Variants in STK39 observed in about 807,000 individuals in gnomAD.
The protein encoded by STK39 is serine/threonine kinase 39, also known as STE20/SPS1-related proline-alanine-rich protein kinase.
In STK39, 20 loss-of-function variants were observed where a neutral mutation model predicts 77.8. The observed-to-expected ratio is 0.26, with a 90% CI of 0.18 to 0.37. The LOEUF (loss-of-function observed/expected upper bound fraction) is 0.37, where lower values mean the gene tolerates loss of function less well. STK39 is among the 10% of genes least tolerant of loss of function. The probability of loss-of-function intolerance (pLI) is 1.00; values close to 1 mark genes in which losing one functional copy is unlikely to be tolerated. For missense variants in STK39, 479 were observed against 656.5 expected, an observed-to-expected ratio of 0.73 and a Z score of 2.95; for synonymous variants, 246 against 234.1, an observed-to-expected ratio of 1.05 and a Z score of -0.47.
At chr2:168,209,973 G>A (rs1689843618) in intron 1 of STK39, among the ~76,000 whole-genome samples, 1 of 148,216 alleles carries the variant, frequency 6.7e-6, no homozygotes, top group African/African-American at 2.5e-5. Flanking sequence ...TTCCAGCTTG[G>A]GTGACAAAGT....
Position 168,043,214 on chromosome 2 carries a change from TC to T in STK39, c.1376+20285del, listed in dbSNP as rs1685153949. ...TCCTTTATCATTTAACTTGGTTTAT[TC>T]ATTTTATACCCCCAGAACAGTGTCT... On this transcript the variant is annotated intron_variant, in intron 14 of 17. Transcript: ENST00000355999. Among the ~76,000 whole-genome samples the T allele has an allele frequency of 3.3e-5, 5 of 152,312 alleles. No homozygotes were observed. The South Asian group carries it at 1.0e-3, about 32-fold the overall frequency.
chr2:168,006,349 A>C (rs1349715378), intron 16 of STK39, among the ~76,000 whole-genome samples: 1 of 152,180 alleles, frequency 6.6e-6, no homozygotes, highest in East Asian at 1.9e-4. Flanking sequence ...AACTTACTAA[A>C]CTAATTCCTC....
intron 5 of STK39, among the ~76,000 whole-genome samples, chr2:168,148,527 CAAG>C (rs920309961): frequency 1.7e-4 from 26 of 152,320 alleles, no homozygotes; most frequent in Non-Finnish European, 3.2e-4. Flanking sequence ...TAGCTCAGAG[CAAG>C]AAGAAGAGCA....
intron 14 of STK39, among the ~76,000 whole-genome samples, chr2:168,062,836 C>T (rs139108324): frequency 1.3e-5 from 2 of 152,184 alleles, no homozygotes; most frequent in Non-Finnish European, 2.9e-5. Context: ...GTAAACTAAG[C>T]TGTTTATAAT....
intron 13 of STK39, among the ~76,000 whole-genome samples, chr2:168,064,274 A>C (rs1338391539): frequency 6.6e-6 from 1 of 152,138 alleles, no homozygotes; most frequent in Non-Finnish European, 1.5e-5. Context: ...AGTTATCCTA[A>C]TCCCTGTTCC....
chr2:167,970,428 C>T (rs986767819), intron 16 of STK39, among the ~76,000 whole-genome samples: 7 of 152,086 alleles, frequency 4.6e-5, no homozygotes, highest in Admixed American at 2.6e-4. Context: ...TCTAGTACAC[C>T]GTATTTGGTA....
chr2:168,151,617 T>C (rs1335553123), intron 5 of STK39, among the ~76,000 whole-genome samples: 1 of 151,780 alleles, frequency 6.6e-6, no homozygotes, highest in African/African-American at 2.4e-5. Context: ...CACGTGCCTA[T>C]AGTCCCAGCT....
Position 168,178,955 on chromosome 2 carries a change from G to A in STK39, c.321+3023C>T, listed in dbSNP as rs147890457. ...GGGACAAAGGGAGTGGGGACAGGAC[G>A]GGGATAGGTAGTCAGTGGGGGCTGA... is the stretch of plus-strand genomic sequence containing the variant. On this transcript the variant is annotated intron_variant, in intron 2 of 17. Coordinates refer to ENST00000355999, the MANE Select transcript of STK39 (RefSeq NM_013233.3). Among the ~76,000 whole-genome samples, 70 of 152,296 alleles carry A rather than the reference G, an allele frequency of 4.6e-4. 1 individual carries two copies. The East Asian group carries it at 0.01, about 22-fold the overall frequency.
intron 10 of STK39, among the ~76,000 whole-genome samples, chr2:168,117,533 C>T (rs889482349): frequency 6.6e-6 from 1 of 152,116 alleles, no homozygotes; most frequent in African/African-American, 2.4e-5. Context: ...AGTGCAACAA[C>T]ATATTTAAGC....
intron 14 of STK39, among the ~76,000 whole-genome samples, chr2:168,060,013 A>T (rs1685621776): frequency 6.6e-6 from 1 of 152,184 alleles, no homozygotes; most frequent in Non-Finnish European, 1.5e-5. Context: ...TTATAGAATG[A>T]ATGAATGTAT....
At chr2:168,011,169 G>A (rs1173804461) in intron 16 of STK39, among the ~76,000 whole-genome samples, 2 of 152,104 alleles carry the variant, frequency 1.3e-5, no homozygotes, top group African/African-American at 4.8e-5. Context: ...ACGGTGGCAT[G>A]CGTCTGTAGT....
chr2:168,111,530 T>C, intron 10 of STK39, among the ~76,000 whole-genome samples: 1 of 152,224 alleles, frequency 6.6e-6, no homozygotes, highest in East Asian at 1.9e-4. Flanking sequence ...AGTCTAGTTA[T>C]TATTACCTGA....
At chr2:168,115,902 C>T (rs377642912) in intron 10 of STK39, among the ~76,000 whole-genome samples, 3 of 152,096 alleles carry the variant, frequency 2.0e-5, no homozygotes, top group Admixed American at 6.6e-5. Context: ...CTAGACCATG[C>T]GAAGCACTGG....
chr2:168,136,367 CAAAAAA>C (rs775507627), intron 8 of STK39, among the ~76,000 whole-genome samples: 48 of 64,838 alleles, frequency 7.4e-4, no homozygotes, highest in African/African-American at 1.8e-3. Context: ...GACTCCGTCT[CAAAAAA>C]AAAAAAAAAA....
At chr2:168,202,424 A>C (rs552713804) in intron 1 of STK39, among the ~76,000 whole-genome samples, 9 of 152,284 alleles carry the variant, frequency 5.9e-5, no homozygotes, top group African/African-American at 2.2e-4. Flanking sequence ...CAACCCTATG[A>C]AGTATTTTAA....
At chr2:168,155,851 A>G (rs543531833) in intron 5 of STK39, among the ~76,000 whole-genome samples, 5 of 152,336 alleles carry the variant, frequency 3.3e-5, no homozygotes, top group South Asian at 2.1e-4. Context: ...TATGCCTTAC[A>G]TCTGTTCTCT....
chr2:168,100,814 C>CTAGAACCAGAAACACAAT (rs1415129120), intron 10 of STK39, among the ~76,000 whole-genome samples: 1 of 152,130 alleles, frequency 6.6e-6, no homozygotes, highest in East Asian at 1.9e-4. Context: ...CCTCAAGGAT[C>CTAGAACCAGAAACACAAT]TAGAACCAGA....
At chr2:168,225,744 C>T (rs916305199) in intron 1 of STK39, among the ~76,000 whole-genome samples, 4 of 152,086 alleles carry the variant, frequency 2.6e-5, no homozygotes, top group African/African-American at 7.2e-5. Flanking sequence ...GGTGACATGT[C>T]GTCTCTGTCT....
At chr2:168,119,869 T>C (rs1244858209) in intron 10 of STK39, among the ~76,000 whole-genome samples, 1 of 152,190 alleles carries the variant, frequency 6.6e-6, no homozygotes, top group African/African-American at 2.4e-5. Context: ...TCAGGGTAAT[T>C]TTCCCTCTTT....
Sources: gnomAD v4.1 joint callset for allele counts (sites outside exome capture counted in the v4.1 genomes callset) on GRCh38, gnomAD v4.1.1 for gene constraint, MANE v1.5 for transcripts, NCBI Gene and HGNC (gene_info 2026-07-23, HGNC 2026-07-21) for gene names.